Variants in EHBP1 observed in about 807,000 individuals in gnomAD.
EHBP1 encodes the protein EH domain-binding protein 1.
Under a neutral mutation model 144.0 loss-of-function variants are expected in EHBP1, and 55 were observed. That is an observed-to-expected ratio of 0.38 (90% CI 0.31 to 0.48). The LOEUF (loss-of-function observed/expected upper bound fraction) is 0.48, where lower values mean the gene tolerates loss of function less well. Ranked by LOEUF, EHBP1 falls within the 20% of genes least tolerant of loss-of-function variation. EHBP1 has a pLI of 0.98. For synonymous variants in EHBP1, 469 were observed against 472.7 expected (o/e 0.99, Z 0.10); for missense variants, 1,200 against 1,364.2 (o/e 0.88, Z 1.90).
At chr2:62,887,719 T>A (rs960867736) in intron 10 of EHBP1, among the ~76,000 whole-genome samples, 3 of 152,026 alleles carry the variant, frequency 2.0e-5, no homozygotes. Context: ...TGCAGCAAGA[T>A]CCCATCAAAT....
intron 15 of EHBP1, among the ~76,000 whole-genome samples, chr2:62,979,874 G>T (rs1426551597): frequency 3.3e-5 from 5 of 152,036 alleles, no homozygotes; most frequent in Admixed American, 3.3e-4. Flanking sequence ...TTGATGTTGG[G>T]ACAAGGGCTA....
intron 1 of EHBP1, among the ~76,000 whole-genome samples, chr2:62,695,850 C>T (rs2034068640): frequency 6.6e-6 from 1 of 151,562 alleles, no homozygotes; most frequent in South Asian, 2.1e-4. Flanking sequence ...GTAGCTGGGA[C>T]CACAGGCGTG....
At chr2:62,756,537 G>A (rs1257380148) in intron 3 of EHBP1, among the ~76,000 whole-genome samples, 3 of 152,150 alleles carry the variant, frequency 2.0e-5, no homozygotes, top group Non-Finnish European at 2.9e-5. Flanking sequence ...GGGAGTCCGA[G>A]GCAAGTGGAT....
chr2:63,038,245 C>T (rs186961423), intron 20 of EHBP1, among the ~76,000 whole-genome samples: 8 of 152,064 alleles, frequency 5.3e-5, no homozygotes, highest in Non-Finnish European at 8.8e-5. Flanking sequence ...AGCAGGCTTA[C>T]GTGGTTTATT....
intron 13 of EHBP1, among the ~76,000 whole-genome samples, chr2:62,952,284 A>G (rs770055313): frequency 6.6e-6 from 1 of 152,224 alleles, no homozygotes; most frequent in African/African-American, 2.4e-5. Context: ...AAAATTGTAT[A>G]TAGCAGCTGA....
intron 1 of EHBP1, among the ~76,000 whole-genome samples, chr2:62,682,113 C>T (rs577461262): frequency 6.6e-6 from 1 of 152,338 alleles, no homozygotes; most frequent in South Asian, 2.1e-4. Flanking sequence ...GACATTTTGA[C>T]ATTCAGAAGG....
chr2:62,989,222 T>C (rs1411631645), intron 15 of EHBP1, among the ~76,000 whole-genome samples: 1 of 152,156 alleles, frequency 6.6e-6, no homozygotes, highest in East Asian at 1.9e-4. Context: ...AAAACATTTT[T>C]GTTGCTTACT....
chr2:62,890,746 G>A (rs1379136831), intron 10 of EHBP1, among the ~76,000 whole-genome samples: 1 of 152,166 alleles, frequency 6.6e-6, no homozygotes, highest in Non-Finnish European at 1.5e-5. Context: ...GGGCAGTCAG[G>A]CAAGAGAAAG....
chr2:62,751,649 C>T lies in EHBP1; in HGVS notation c.162+4197C>T, dbSNP rs571474592. 4.3e-4 allele frequency among the ~76,000 whole-genome samples: 66 copies of T among 152,248 alleles called. 1 individual carries two copies. Among genetic ancestry groups the T allele is most frequent in the African/African-American group, 1.4e-3 (58 of 41,562 alleles). ...TTGGTTGGTAAGCTATTAATTATTG[C>T]CTCAATTTCAGAGCCTGTTATTGGT... On this transcript the variant is annotated intron_variant, in intron 3 of 22. Coordinates refer to ENST00000431489, the MANE Select transcript of EHBP1 (RefSeq NM_001142616.3).
intron 5 of EHBP1, among the ~76,000 whole-genome samples, chr2:62,799,685 C>G (rs2043831446): frequency 2.0e-5 from 3 of 152,122 alleles, no homozygotes; most frequent in African/African-American, 4.8e-5. Context: ...GTATGAGGAC[C>G]TGAATACCTT....
chr2:62,958,527 A>G (rs145344590), intron 14 of EHBP1, among the ~76,000 whole-genome samples: 30 of 152,314 alleles, frequency 2.0e-4, no homozygotes, highest in Admixed American at 7.8e-4. Context: ...CAGAAAGCCA[A>G]TTGGTGGTTG....
chr2:62,708,125 C>G (rs563754667), intron 2 of EHBP1, among the ~76,000 whole-genome samples: 1 of 152,202 alleles, frequency 6.6e-6, no homozygotes, highest in South Asian at 2.1e-4. Context: ...TCCAGAAGGA[C>G]TGTAATTCAG....
chr2:62,948,450 A>G lies in EHBP1; in HGVS notation c.1604A>G (p.Asn535Ser), dbSNP rs2057189610. 6.2e-7 allele frequency: 1 copy of G among 1,613,322 alleles called. No homozygotes were observed. Among genetic ancestry groups the G allele is most frequent in the Non-Finnish European group, 8.5e-7 (1 of 1,179,558 alleles). The change falls in exon 13 of 23, where the codon AAC becomes AGC. Residue 535 changes from asparagine (N) to serine (S), a missense_variant. Asn to Ser is a conservative substitution (Grantham distance 46). This residue lies in a region of EHBP1 where 94 missense variants were observed against 143.0 expected (regional missense o/e 0.66). Coordinates refer to ENST00000431489, the MANE Select transcript of EHBP1 (RefSeq NM_001142616.3). Reference sequence around the variant, plus strand: ...AGTAAAAGCACATATAAAGTTGGAAACTATGAAACAGATACAAACAGTTCT... The same window carrying G: ...AGTAAAAGCACATATAAAGTTGGAAGCTATGAAACAGATACAAACAGTTCT... ...NSSKSTYKVG[N>S]YETDTNSSVD...
intron 8 of EHBP1, among the ~76,000 whole-genome samples, chr2:62,860,033 T>G (rs2049375634): frequency 6.6e-6 from 1 of 152,190 alleles, no homozygotes; most frequent in Non-Finnish European, 1.5e-5. Flanking sequence ...AGCTTCAGGA[T>G]TCACTCTGTT....
rs889593402 is a variant in EHBP1 at position 62,882,213 on chromosome 2, G to A, written c.1185+7681G>A. 7.2e-5 allele frequency among the ~76,000 whole-genome samples: 11 copies of A among 152,278 alleles called. No homozygotes were observed. In the South Asian group the frequency reaches 2.3e-3, roughly 32 times the overall value. Reference sequence around the variant, plus strand: ...GTTTGTTCACTGAGTTCCTCATTCAGCCATTCCATAAGTCAATCTCCAAGT... The same window carrying A: ...GTTTGTTCACTGAGTTCCTCATTCAACCATTCCATAAGTCAATCTCCAAGT... On this transcript the variant is annotated intron_variant, in intron 10 of 22. Coordinates refer to ENST00000431489, the MANE Select transcript of EHBP1 (RefSeq NM_001142616.3).
At chr2:62,757,502 C>T (rs1181423465) in intron 3 of EHBP1, among the ~76,000 whole-genome samples, 1 of 142,070 alleles carries the variant, frequency 7.0e-6, no homozygotes. Context: ...GGGATGATCT[C>T]GGCGCACTGC....
chr2:62,971,104 T>C (rs1369733924), intron 14 of EHBP1, among the ~76,000 whole-genome samples: 2 of 152,168 alleles, frequency 1.3e-5, no homozygotes, highest in Non-Finnish European at 2.9e-5. Flanking sequence ...CATTTCAGAA[T>C]GATAAGGAAA....
rs1236102907 is a variant in EHBP1, at chr2:62,876,243, A to G, written c.1185+1711A>G. ...TAAAGGCAGAGAGAAAGGGCATGTC[A>G]CCTTTACAGGAACTCCACCAGGCTA... is the stretch of plus-strand genomic sequence containing the variant. On this transcript the variant is annotated intron_variant, in intron 10 of 22. Coordinates refer to ENST00000431489, the MANE Select transcript of EHBP1 (RefSeq NM_001142616.3). 4.6e-5 allele frequency among the ~76,000 whole-genome samples: 7 copies of G among 152,292 alleles called. No individual in the cohort carries two copies. In the South Asian group the frequency reaches 1.0e-3, roughly 23 times the overall value.
intron 3 of EHBP1, among the ~76,000 whole-genome samples, chr2:62,757,065 C>T (rs771397547): frequency 3.3e-5 from 5 of 152,110 alleles, no homozygotes; most frequent in African/African-American, 7.2e-5. Flanking sequence ...TTAAAATATA[C>T]GTTACTTGCT....
Sources: gnomAD v4.1 joint callset for allele counts (sites outside exome capture counted in the v4.1 genomes callset) on GRCh38, gnomAD v4.1.1 for gene constraint, gnomAD v4.1.1 regional missense constraint, MANE v1.5 for transcripts, NCBI Gene and HGNC (gene_info 2026-07-23, HGNC 2026-07-21) for gene names.